The following STK3 variants were observed in gnomAD, a reference collection of about 807,000 sequenced individuals.
STK3 encodes the protein serine/threonine kinase 3.
In STK3, 41 loss-of-function variants were observed where a neutral mutation model predicts 58.0. That is an observed-to-expected ratio of 0.71 (90% confidence interval 0.55 to 0.92). The LOEUF (loss-of-function observed/expected upper bound fraction) is 0.92, where lower values mean the gene tolerates loss of function less well. Ranked by LOEUF, STK3 falls within the 40% of genes least tolerant of loss-of-function variation. The pLI, the probability that STK3 is intolerant of heterozygous loss-of-function variation, is 0.00. For missense variants in STK3, 479 were observed against 602.7 expected (o/e 0.79, Z 2.15); for synonymous variants, 170 against 191.0 (o/e 0.89, Z 0.91).
chr8:98,583,231 T>C (rs1814089343), intron 7 of STK3, among the ~76,000 whole-genome samples: 1 of 152,036 alleles, frequency 6.6e-6, no homozygotes, highest in Non-Finnish European at 1.5e-5. Flanking sequence ...AATTAAGAAG[T>C]TTACTTAAAT....
At chr8:98,810,652 A>T (rs1564023517) in intron 1 of STK3, among the ~76,000 whole-genome samples, 2 of 152,228 alleles carry the variant, frequency 1.3e-5, no homozygotes, top group Non-Finnish European at 2.9e-5. Flanking sequence ...AGAGAGACAC[A>T]GAGGAAAGCT....
intron 3 of STK3, among the ~76,000 whole-genome samples, chr8:98,843,275 T>G (rs1836067113): frequency 6.6e-6 from 1 of 152,136 alleles, no homozygotes; most frequent in Admixed American, 6.5e-5. Context: ...TTGCAAGCAA[T>G]TGATGATCCA....
At chr8:98,863,972 A>C (rs1564069399) in intron 3 of STK3, among the ~76,000 whole-genome samples, 1 of 151,942 alleles carries the variant, frequency 6.6e-6, no homozygotes, top group Non-Finnish European at 1.5e-5. Flanking sequence ...CGAGGCAGGC[A>C]GATCACGAGG....
chr8:98,613,533 T>G (rs1249963169), intron 6 of STK3, among the ~76,000 whole-genome samples: 1 of 151,964 alleles, frequency 6.6e-6, no homozygotes, highest in Non-Finnish European at 1.5e-5. Context: ...TATGTACATA[T>G]AGAATAATAC....
chr8:98,462,069 A>G (rs1003472582), intron 10 of STK3, among the ~76,000 whole-genome samples: 9 of 152,150 alleles, frequency 5.9e-5, no homozygotes, highest in African/African-American at 2.2e-4. Flanking sequence ...CCCCTCAAGC[A>G]TTTATCCTTT....
chr8:98,590,234 G>T (rs1815169889), intron 7 of STK3, among the ~76,000 whole-genome samples: 1 of 152,190 alleles, frequency 6.6e-6, no homozygotes, highest in Admixed American at 6.5e-5. Context: ...GCTTCCAGGT[G>T]GTTGTCTTTG....
intron 6 of STK3, among the ~76,000 whole-genome samples, chr8:98,636,469 T>C (rs1203766566): frequency 6.6e-6 from 1 of 152,172 alleles, no homozygotes; most frequent in Non-Finnish European, 1.5e-5. Flanking sequence ...CATGTTAAAA[T>C]ACAAGGGAAG....
intron 9 of STK3, among the ~76,000 whole-genome samples, chr8:98,529,874 T>A (rs1265980647): frequency 6.6e-6 from 1 of 151,466 alleles, no homozygotes; most frequent in Non-Finnish European, 1.5e-5. Context: ...CTAAGAGGAG[T>A]GGGAAATGGG....
chr8:98,931,848 C>G (rs977265322), intron 1 of STK3, among the ~76,000 whole-genome samples: 6 of 152,210 alleles, frequency 3.9e-5, no homozygotes, highest in African/African-American at 9.6e-5. Context: ...GATAGAGCTC[C>G]TTAATTGATT....
At chr8:98,822,897 G>C (rs377073725) in intron 1 of STK3, among the ~76,000 whole-genome samples, 1 of 152,132 alleles carries the variant, frequency 6.6e-6, no homozygotes, top group Non-Finnish European at 1.5e-5. Flanking sequence ...GCGTGGTGGC[G>C]CCCGCCTGTA....
Position 98,477,702 on chromosome 8 carries a change from CGGGGGGGGGGGGGGTGGGCG to C in STK3, c.1318-21722_1318-21703del, listed in dbSNP as rs1401795345. Among the ~76,000 whole-genome samples the C allele has an allele frequency of 8.8e-3, 20 of 2,278 alleles. 4 individuals are homozygous for C. The highest frequency in any genetic ancestry group is 0.012 in the Non-Finnish European group (17 of 1,436). 1.5% of individuals were successfully genotyped at this position (2,278 alleles called of 152,430 possible). ...AGCCTCGCATAATCATCACACTTGGCGGGGGGGGGGGGGGTGGGCGGGGGGGGGCCCTAATGAAGGCAAGG... is the reference window on the plus strand; with the variant it reads ...AGCCTCGCATAATCATCACACTTGGCGGGGGGGGCCCTAATGAAGGCAAGG... On this transcript the variant is annotated intron_variant, in intron 10 of 10. Coordinates refer to ENST00000419617, the MANE Select transcript of STK3 (RefSeq NM_006281.4).
At chr8:98,348,088 C>A in the STK3 span, among the ~76,000 whole-genome samples, 2 of 152,204 alleles carry the variant, frequency 1.3e-5, no homozygotes, top group Admixed American at 1.3e-4. Context: ...GAATAGAGAG[C>A]TCATAAATAG....
intron 1 of STK3, among the ~76,000 whole-genome samples, chr8:98,385,498 A>G (rs1488412086): frequency 2.6e-5 from 4 of 152,186 alleles, no homozygotes; most frequent in Non-Finnish European, 5.9e-5. Flanking sequence ...AAGACCCCGG[A>G]TGAAAGTGGA....
chr8:98,825,464 C>T (rs1835197456), intron 1 of STK3, 51 bp downstream of exon 1: 1 of 1,433,506 alleles, frequency 7.0e-7, no homozygotes, highest in African/African-American at 1.5e-5. Flanking sequence ...ACCCCCGCCC[C>T]GCGGCCGCCG....
At chr8:98,763,819 C>T (rs1342537804) in intron 3 of STK3, among the ~76,000 whole-genome samples, 1 of 152,192 alleles carries the variant, frequency 6.6e-6, no homozygotes, top group East Asian at 1.9e-4. Flanking sequence ...ATTACAGTCA[C>T]CTGCCACCAC....
At chr8:98,461,668 G>C (rs535792701) in intron 10 of STK3, among the ~76,000 whole-genome samples, 1 of 152,188 alleles carries the variant, frequency 6.6e-6, no homozygotes, top group South Asian at 2.1e-4. Context: ...ATTTCTCGTA[G>C]GGATGCTCTG....
At chr8:98,921,999 ACAGT>A (rs1839583975) in intron 1 of STK3, among the ~76,000 whole-genome samples, 2 of 152,086 alleles carry the variant, frequency 1.3e-5, no homozygotes, top group African/African-American at 2.4e-5. Flanking sequence ...CGGCCTATCA[ACAGT>A]CATTTCTATC....
intron 3 of STK3, chr8:98,413,703 G>C: frequency 1.1e-6 from 1 of 949,440 alleles, no homozygotes; most frequent in African/African-American, 1.6e-5. Flanking sequence ...GTTTAGAAAA[G>C]CCACCGTTCT....
chr8:98,488,214 G>A (rs1267079296), intron 10 of STK3, among the ~76,000 whole-genome samples: 1 of 152,208 alleles, frequency 6.6e-6, no homozygotes, highest in Non-Finnish European at 1.5e-5. Flanking sequence ...GAATGGTGAA[G>A]CATGGCTTCA....
Sources: gnomAD v4.1 joint callset for allele counts (sites outside exome capture counted in the v4.1 genomes callset) on GRCh38, gnomAD v4.1.1 for gene constraint, MANE v1.5 for transcripts, NCBI Gene and HGNC (gene_info 2026-07-23, HGNC 2026-07-21) for gene names.